The following C11orf65 variants were observed in gnomAD, a reference collection of about 807,000 sequenced individuals.
C11orf65 encodes the protein chromosome 11 open reading frame 65.
In C11orf65, 38 loss-of-function variants were observed where a neutral mutation model predicts 35.3. That is an observed-to-expected ratio of 1.08 (90% CI 0.83 to 1.41). The LOEUF is 1.41. Among genes scored for constraint, C11orf65 ranks in the 40% most tolerant of loss-of-function variants. C11orf65 has a pLI of 0.00. For missense variants in C11orf65, 370 were observed against 367.1 expected (o/e 1.01, Z -0.06); for synonymous variants, 105 against 114.4 (o/e 0.92, Z 0.53).
At chr11:108,317,648 TATATAC>T (rs1412713480) in intron 6 of C11orf65, 158 of 133,350 alleles carry the variant, frequency 1.2e-3, no homozygotes, top group African/African-American at 3.6e-3. Context: ...TATATATATA[TATATAC>T]ACACACACAC....
intron 3 of C11orf65, among the ~76,000 whole-genome samples, chr11:108,430,430 C>T (rs1175424746): frequency 6.6e-5 from 10 of 151,308 alleles, no homozygotes; most frequent in Non-Finnish European, 1.2e-4. Flanking sequence ...TGAGCCACTG[C>T]GCCCAGCCTG....
At chr11:108,440,006 G>C (rs1289393925) in intron 2 of C11orf65, among the ~76,000 whole-genome samples, 1 of 152,174 alleles carries the variant, frequency 6.6e-6, no homozygotes, top group African/African-American at 2.4e-5. Context: ...AACACTGGCT[G>C]TTTAAAACAA....
At chr11:108,445,931 A>T (rs1383029908) in intron 2 of C11orf65, among the ~76,000 whole-genome samples, 1 of 152,172 alleles carries the variant, frequency 6.6e-6, no homozygotes, top group Non-Finnish European at 1.5e-5. Flanking sequence ...TGCTTAAAGG[A>T]GCTGATGGAG....
downstream of C11orf65, among the ~76,000 whole-genome samples, chr11:108,382,482 T>C (rs1474371180): frequency 6.6e-6 from 1 of 151,418 alleles, no homozygotes; most frequent in Non-Finnish European, 1.5e-5. Flanking sequence ...AAGAAAGAAA[T>C]AACTATGACA....
chr11:108,333,488 A>G (rs1049362503), intron 3 of C11orf65, among the ~76,000 whole-genome samples: 3 of 152,220 alleles, frequency 2.0e-5, no homozygotes, highest in Admixed American at 2.0e-4. Flanking sequence ...TTACTTGAAA[A>G]CGAATGGGAC....
At chr11:108,347,429 T>G in intron 2 of C11orf65, 1 of 1,317,448 alleles carries the variant, frequency 7.6e-7, no homozygotes, top group Non-Finnish European at 1.1e-6. Flanking sequence ...GGAATGTTGT[T>G]TGCCTACCAA....
In C11orf65 at chr11:108,453,111, C is replaced by T. The variant is rs1316096699; in HGVS notation, c.81+8368G>A. On this transcript the variant is annotated intron_variant, in intron 2 of 8. Transcript: ENST00000393084. The stretch of plus-strand genomic sequence containing the variant: ...ACATGTATACATTTGTAACAACCTG[C>T]ACGTTGTGCATGTACCCTAGAACTT... 1.5e-3 allele frequency among the ~76,000 whole-genome samples: 3 copies of T among 1,968 alleles called. No individual in the cohort carries two copies. In the East Asian group the frequency reaches 0.3, roughly 197 times the overall value. 1.3% of individuals were successfully genotyped at this position (1,968 alleles called of 152,430 possible).
chr11:108,423,494 T>TA (rs545062579), intron 3 of C11orf65, among the ~76,000 whole-genome samples: 41 of 152,144 alleles, frequency 2.7e-4, no homozygotes, highest in African/African-American at 9.4e-4. Context: ...TCAGCAGACT[T>TA]AAACGTTCCT....
chr11:108,467,699 A>G (rs1323549753), upstream of C11orf65, among the ~76,000 whole-genome samples: 1 of 152,206 alleles, frequency 6.6e-6, no homozygotes, highest in Non-Finnish European at 1.5e-5. Flanking sequence ...CTTTGAGGCA[A>G]AGGATTTTGG....
chr11:108,366,029 CAAAAA>C (rs369583811), intron 2 of C11orf65: 20 of 100,464 alleles, frequency 2.0e-4, no homozygotes, highest in East Asian at 1.1e-3. Context: ...AACTCCATCT[CAAAAA>C]AAAAAAAAAA....
chr11:108,406,658 T>A, intron 5 of C11orf65, 105 bp downstream of exon 5: 1 of 755,902 alleles, frequency 1.3e-6, no homozygotes, highest in Non-Finnish European at 1.9e-6. Flanking sequence ...TCAATTAAAT[T>A]ACTAGGATTT....
chr11:108,331,961 T>C lies in C11orf65; in HGVS notation c.300-394A>G, dbSNP rs1555124612. ...TTAGCAAATGCAAACAGAGATGAAT[T>C]TCTGACTAAACCAGAGGTAGCCAGA... On this transcript the variant is annotated intron_variant, in intron 3 of 3. Transcript: ENST00000524755. The C allele has an allele frequency of 6.2e-7, 1 of 1,614,102 alleles. No individual in the cohort carries two copies. Among genetic ancestry groups the C allele is most frequent in the Non-Finnish European group, 8.5e-7 (1 of 1,179,982 alleles).
chr11:108,410,066 A>C (rs965232272), intron 3 of C11orf65, among the ~76,000 whole-genome samples: 2 of 152,202 alleles, frequency 1.3e-5, no homozygotes, highest in Non-Finnish European at 2.9e-5. Flanking sequence ...CAATGAGTTT[A>C]TCTTAACATA....
chr11:108,357,329 GT>G (rs1408952723), intron 2 of C11orf65, among the ~76,000 whole-genome samples: 1 of 152,234 alleles, frequency 6.6e-6, no homozygotes, highest in Non-Finnish European at 1.5e-5. Flanking sequence ...TAGCACAGCA[GT>G]CTGAGATCAA....
At chr11:108,378,961 A>C (rs995659444), downstream of C11orf65, among the ~76,000 whole-genome samples, 5 of 152,182 alleles carry the variant, frequency 3.3e-5, no homozygotes, top group Non-Finnish European at 5.9e-5. Flanking sequence ...GGCGATCATT[A>C]AAAAGTCAGG....
chr11:108,421,607 G>A (rs1301795465), intron 3 of C11orf65, among the ~76,000 whole-genome samples: 2 of 152,056 alleles, frequency 1.3e-5, no homozygotes, highest in East Asian at 1.9e-4. Flanking sequence ...GCAGTGAGCC[G>A]AGATCGTGCC....
intron 2 of C11orf65, among the ~76,000 whole-genome samples, chr11:108,460,237 T>C (rs552147477): frequency 1.3e-5 from 2 of 152,344 alleles, no homozygotes; most frequent in East Asian, 3.9e-4. Context: ...GGTGGTCTTG[T>C]AAGCCATAAA....
intron 7 of C11orf65, among the ~76,000 whole-genome samples, chr11:108,392,469 C>T (rs1423103961): frequency 6.6e-6 from 1 of 152,128 alleles, no homozygotes; most frequent in Non-Finnish European, 1.5e-5. Context: ...CTGCTATGAA[C>T]ATTTATGCAC....
intron 7 of C11orf65, among the ~76,000 whole-genome samples, chr11:108,391,166 T>G (rs905165037): frequency 2.6e-4 from 40 of 152,220 alleles, no homozygotes; most frequent in African/African-American, 9.2e-4. Flanking sequence ...TTCTGTTTTC[T>G]TACATTTCTT....
Sources: gnomAD v4.1 joint callset for allele counts (sites outside exome capture counted in the v4.1 genomes callset) on GRCh38, gnomAD v4.1.1 for gene constraint, MANE v1.5 for transcripts, NCBI Gene and HGNC (gene_info 2026-07-23, HGNC 2026-07-21) for gene names.